The following CMKLR1 variants were observed in gnomAD, a reference collection of about 807,000 sequenced individuals.
CMKLR1 encodes chemerin chemokine-like receptor 1.
In CMKLR1, 6 loss-of-function variants were observed where a neutral mutation model predicts 8.2. The ratio of observed to expected loss-of-function variants is 0.73; its 90% confidence interval spans 0.40 to 1.44. The LOEUF (loss-of-function observed/expected upper bound fraction) is 1.44. CMKLR1 is among the 40% of genes most tolerant of loss of function. The probability of loss-of-function intolerance (pLI) is 0.02; values close to 1 mark genes in which losing one functional copy is unlikely to be tolerated. For missense variants in CMKLR1, 429 were observed against 478.0 expected (o/e 0.90, Z 0.96); for synonymous variants, 178 against 181.2 (o/e 0.98, Z 0.14).
Position 108,288,642 on chromosome 12 carries a change from G to C in CMKLR1, c.*3199C>G, listed in dbSNP as rs963511673. On this transcript the variant is annotated 3_prime_UTR_variant, in exon 4 of 4. Coordinates refer to ENST00000550402, the MANE Select transcript of CMKLR1 (RefSeq NM_001142343.2). ...TGGGAATTATCTAAGGCTGGCAAAG[G>C]CATCCCGGTGCTTGAGGCCCTTCGT... is the stretch of plus-strand genomic sequence containing the variant. 1 of 152,286 alleles carries C rather than the reference G, an allele frequency of 6.6e-6. No individual in the cohort carries two copies. Among genetic ancestry groups the C allele is most frequent in the African/African-American group, 2.4e-5 (1 of 41,436 alleles). 9.4% of individuals were successfully genotyped at this position (152,286 alleles called of 1,614,324 possible). A position where few individuals can be genotyped will look rare whatever the true frequency, so the allele number is the denominator to read the frequency against.
At chr12:108,307,051 T>G (rs999778731) in intron 2 of CMKLR1, among the ~76,000 whole-genome samples, 1 of 152,194 alleles carries the variant, frequency 6.6e-6, no homozygotes, top group Non-Finnish European at 1.5e-5. Context: ...GGAGCTGGCC[T>G]GTAAACAAAT....
chr12:108,315,241 A>C (rs1369370488), intron 2 of CMKLR1, among the ~76,000 whole-genome samples: 1 of 152,118 alleles, frequency 6.6e-6, no homozygotes, highest in Non-Finnish European at 1.5e-5. Context: ...GTCTTTCTCC[A>C]CACCAGCTGG....
chr12:108,305,743 C>T (rs1394255691), intron 2 of CMKLR1, among the ~76,000 whole-genome samples: 1 of 152,198 alleles, frequency 6.6e-6, no homozygotes, highest in East Asian at 1.9e-4. Flanking sequence ...CTCCCTGGTC[C>T]CACGCCCACA....
chr12:108,321,377 A>G (rs530634259), intron 2 of CMKLR1, among the ~76,000 whole-genome samples: 2 of 152,322 alleles, frequency 1.3e-5, no homozygotes, highest in East Asian at 1.9e-4. Context: ...GGCTGCAGTG[A>G]GCTACGATCA....
intron 2 of CMKLR1, among the ~76,000 whole-genome samples, chr12:108,310,185 G>GTA (rs993373439): frequency 5.3e-5 from 8 of 151,856 alleles, no homozygotes; most frequent in South Asian, 2.1e-4. Flanking sequence ...GTGTGTGTGT[G>GTA]TGTGTGTGTG....
chr12:108,300,776 T>C (rs1891246644), intron 2 of CMKLR1, among the ~76,000 whole-genome samples: 1 of 152,308 alleles, frequency 6.6e-6, no homozygotes, highest in Non-Finnish European at 1.5e-5. Context: ...TAAGTGGCAT[T>C]GGTGAAGCAT....
chr12:108,312,339 C>T (rs1019518394), intron 2 of CMKLR1, among the ~76,000 whole-genome samples: 1 of 152,246 alleles, frequency 6.6e-6, no homozygotes, highest in Non-Finnish European at 1.5e-5. Context: ...CATCACAAGA[C>T]TGTGAAACGT....
At chr12:108,296,512 G>A (rs1451985184) in intron 2 of CMKLR1, among the ~76,000 whole-genome samples, 5 of 152,134 alleles carry the variant, frequency 3.3e-5, no homozygotes, top group African/African-American at 4.8e-5. Flanking sequence ...CTCCAGCTGT[G>A]GGATCAAGGG....
chr12:108,294,205 T>C (rs537931076), intron 2 of CMKLR1, among the ~76,000 whole-genome samples: 3 of 152,326 alleles, frequency 2.0e-5, no homozygotes, highest in South Asian at 2.1e-4. Context: ...AGACTGAGGC[T>C]CAGAGAAAGA....
At chr12:108,333,296 A>C (rs959294444) in intron 1 of CMKLR1, among the ~76,000 whole-genome samples, 58 of 152,252 alleles carry the variant, frequency 3.8e-4, no homozygotes, top group Non-Finnish European at 6.3e-4. Context: ...CTCCCTGCTG[A>C]GTCAGCCGCT....
chr12:108,300,661 C>T lies in CMKLR1; in HGVS notation c.-73-6997G>A, dbSNP rs187800974. Among the ~76,000 whole-genome samples the T allele has an allele frequency of 4.2e-3, 647 of 152,298 alleles. 2 individuals are homozygous for T. Among genetic ancestry groups the T allele is most frequent in the Admixed American group, 9.2e-3 (140 of 15,298 alleles). On this transcript the variant is annotated intron_variant, in intron 2 of 3. Coordinates refer to ENST00000550402, the MANE Select transcript of CMKLR1 (RefSeq NM_001142343.2). ...ATTGCTCCATGACCTGTGAGCTGTG[C>T]GACCCTGGGCACATTACTTAGCCCT...
At chr12:108,293,563 G>C in intron 3 of CMKLR1, 26 bp downstream of exon 3, 1 of 1,551,304 alleles carries the variant, frequency 6.4e-7, no homozygotes, top group Non-Finnish European at 8.7e-7. Context: ...GTGCCCTTTG[G>C]AGTTCAGACC....
At chr12:108,306,281 C>A (rs1203010281) in intron 2 of CMKLR1, among the ~76,000 whole-genome samples, 2 of 152,228 alleles carry the variant, frequency 1.3e-5, no homozygotes, top group Non-Finnish European at 2.9e-5. Context: ...TCTAGCCCCT[C>A]AGTCTAGGAA....
intron 2 of CMKLR1, among the ~76,000 whole-genome samples, chr12:108,303,309 T>C (rs1221341617): frequency 6.6e-6 from 1 of 152,228 alleles, no homozygotes; most frequent in Non-Finnish European, 1.5e-5. Context: ...ACACCCCCGC[T>C]GCCGGACCCT....
chr12:108,302,723 A>G (rs1171368316), intron 2 of CMKLR1, among the ~76,000 whole-genome samples: 2 of 152,214 alleles, frequency 1.3e-5, no homozygotes, highest in East Asian at 1.9e-4. Context: ...GCTGTGGTAC[A>G]TTGAGAACAT....
chr12:108,316,519 G>T (rs1891738152), intron 2 of CMKLR1, among the ~76,000 whole-genome samples: 1 of 152,146 alleles, frequency 6.6e-6, no homozygotes, highest in African/African-American at 2.4e-5. Flanking sequence ...CGAAGGCAGG[G>T]TGAAGAAAGT....
intron 2 of CMKLR1, chr12:108,317,972 C>T (rs1891773094): frequency 6.6e-6 from 1 of 152,302 alleles, no homozygotes; most frequent in African/African-American, 2.4e-5. Flanking sequence ...ATACTAAACA[C>T]ATTATTTTGC....
At chr12:108,301,071 CTTTTTTTTTTTTT>C (rs11303250) in intron 2 of CMKLR1, among the ~76,000 whole-genome samples, 1 of 90,392 alleles carries the variant, frequency 1.1e-5, no homozygotes, top group Admixed American at 1.4e-4. Context: ...CCACCCAAGT[CTTTTTTTTTTTTT>C]TTTTTTTTTT....
In CMKLR1 at chr12:108,289,065, T is replaced by C. The variant is rs1890885927; in HGVS notation, c.*2776A>G. ...TTCATGAATGCCAGATCCCTTTCCT[T>C]CATCATCATGCTCTGGGACCTTTCT... On this transcript the variant is annotated 3_prime_UTR_variant, in exon 4 of 4. Transcript: ENST00000550402. 6.6e-6 allele frequency: 1 copy of C among 152,074 alleles called. No homozygotes were observed. Among genetic ancestry groups the C allele is most frequent in the African/African-American group, 2.4e-5 (1 of 41,332 alleles). The allele number at this position is 152,074 out of a possible 1,614,324, so 9.4% of individuals were successfully genotyped here. A position where few individuals can be genotyped will look rare whatever the true frequency, so the allele number is the denominator to read the frequency against.
Sources: allele counts gnomAD v4.1 joint callset (sites outside exome capture counted in the v4.1 genomes callset), GRCh38; gene constraint gnomAD v4.1.1; transcripts MANE v1.5; gene names NCBI Gene and HGNC (gene_info 2026-07-23, HGNC 2026-07-21).